ARHGEF11: variants seen among roughly 807,000 people sequenced by gnomAD.
The protein encoded by ARHGEF11 is Rho guanine exchange factor (GEF) 11.
In ARHGEF11, 55 loss-of-function variants were observed where a neutral mutation model predicts 193.7. The ratio of observed to expected loss-of-function variants is 0.28; its 90% confidence interval spans 0.23 to 0.36. The LOEUF (loss-of-function observed/expected upper bound fraction) is 0.36, where lower values mean the gene tolerates loss of function less well. ARHGEF11 is among the 10% of genes least tolerant of loss of function. The probability of loss-of-function intolerance (pLI) is 1.00; values close to 1 mark genes in which losing one functional copy is unlikely to be tolerated. For synonymous variants in ARHGEF11, 693 were observed against 768.0 expected, an observed-to-expected ratio of 0.90 and a Z score of 1.62; for missense variants, 1,723 against 2,005.6, an observed-to-expected ratio of 0.86 and a Z score of 2.69.
At chr1:157,009,574 G>A (rs1180810681) in intron 1 of ARHGEF11, among the ~76,000 whole-genome samples, 2 of 152,142 alleles carry the variant, frequency 1.3e-5, no homozygotes, top group Non-Finnish European at 2.9e-5. Flanking sequence ...TAAGGTTGGT[G>A]GTACTGAGCT....
At chr1:157,042,052 A>G (rs1672815816) in intron 1 of ARHGEF11, among the ~76,000 whole-genome samples, 1 of 152,186 alleles carries the variant, frequency 6.6e-6, no homozygotes, top group African/African-American at 2.4e-5. Context: ...TGTTGCCCAA[A>G]GTTACAATTG....
At chr1:156,989,913 T>A (rs1406483415) in intron 1 of ARHGEF11, among the ~76,000 whole-genome samples, 1 of 152,216 alleles carries the variant, frequency 6.6e-6, no homozygotes, top group East Asian at 1.9e-4. Context: ...TCATGACACT[T>A]TACCCCTATT....
In ARHGEF11 at chr1:156,984,423, A is replaced by T; in HGVS notation, c.139T>A (p.Cys47Ser). The T allele has an allele frequency of 6.3e-7, 1 of 1,592,670 alleles. No homozygotes were observed. Among genetic ancestry groups the T allele is most frequent in the Non-Finnish European group, 8.6e-7 (1 of 1,168,972 alleles). Residue 47 changes from cysteine to serine, a missense_variant, in exon 3 of 41, where the codon TGT (cysteine) becomes AGT (serine). Transcript: ENST00000368194. Reference sequence around the variant, plus strand: ...TGCTGGTCCTTTTGGATAATGACACAGCGTTGAACGAGACCTGGAAGGCGG... The same window carrying T: ...TGCTGGTCCTTTTGGATAATGACACTGCGTTGAACGAGACCTGGAAGGCGG... ...ASETTGLVQR[C>S]VIIQKDQHGF...
intron 11 of ARHGEF11, chr1:156,963,863 TC>T: frequency 1.0e-6 from 1 of 977,148 alleles, no homozygotes; most frequent in Non-Finnish European, 1.3e-6. Context: ...GAAAATGCTC[TC>T]TTCCTGTTTG....
chr1:156,944,282 C>A, intron 31 of ARHGEF11, 76 bp downstream of exon 31: 8 of 1,517,192 alleles, frequency 5.3e-6, no homozygotes, highest in Non-Finnish European at 7.3e-6. Flanking sequence ...TGTTTCCATG[C>A]TTGGGAAAGA....
intron 1 of ARHGEF11, among the ~76,000 whole-genome samples, chr1:157,015,969 T>C (rs1041614719): frequency 3.3e-5 from 5 of 152,180 alleles, no homozygotes; most frequent in African/African-American, 1.2e-4. Flanking sequence ...GGAAGAGTGA[T>C]GTGATGACTA....
intron 19 of ARHGEF11, among the ~76,000 whole-genome samples, chr1:156,956,112 G>A (rs1361675384): frequency 6.6e-6 from 1 of 152,090 alleles, no homozygotes; most frequent in African/African-American, 2.4e-5. Context: ...GGACAGCTCT[G>A]TTACCTTCTT....
At chr1:156,978,931 G>T (rs1482645411) in intron 5 of ARHGEF11, among the ~76,000 whole-genome samples, 1 of 152,230 alleles carries the variant, frequency 6.6e-6, no homozygotes, top group Admixed American at 6.5e-5. Context: ...GGAATTGAAA[G>T]GTATTTGAGG....
intron 11 of ARHGEF11, among the ~76,000 whole-genome samples, chr1:156,966,670 T>C (rs1312453547): frequency 1.3e-5 from 2 of 152,240 alleles, no homozygotes; most frequent in African/African-American, 2.4e-5. Flanking sequence ...CTGGCTCATA[T>C]TGTAAGAAAG....
At chr1:157,020,844 C>G (rs530340709) in intron 1 of ARHGEF11, among the ~76,000 whole-genome samples, 1 of 152,212 alleles carries the variant, frequency 6.6e-6, no homozygotes, top group African/African-American at 2.4e-5. Flanking sequence ...ATGCTGATAT[C>G]GATAAAGCAA....
At chr1:157,029,592 A>T (rs1209485798) in intron 1 of ARHGEF11, among the ~76,000 whole-genome samples, 2 of 152,186 alleles carry the variant, frequency 1.3e-5, no homozygotes, top group African/African-American at 4.8e-5. Context: ...TTTGGAAGGC[A>T]GTTTGGCAGT....
intron 22 of ARHGEF11, 68 bp downstream of exon 22, chr1:156,951,505 C>T: frequency 6.3e-7 from 1 of 1,589,726 alleles, no homozygotes; most frequent in Non-Finnish European, 8.6e-7. Context: ...TGGAATTAAA[C>T]CCTAGCATCA....
intron 1 of ARHGEF11, among the ~76,000 whole-genome samples, chr1:157,010,554 T>C (rs1392308115): frequency 6.6e-6 from 1 of 150,936 alleles, no homozygotes; most frequent in Non-Finnish European, 1.5e-5. Flanking sequence ...CCCAAGTAGA[T>C]AATTAGCCTG....
At chr1:156,967,302 G>A (rs571279320) in intron 11 of ARHGEF11, among the ~76,000 whole-genome samples, 3 of 152,254 alleles carry the variant, frequency 2.0e-5, no homozygotes, top group East Asian at 1.9e-4. Flanking sequence ...GTCTAACAAC[G>A]TCTGAACGTT....
At chr1:156,960,487 G>A in intron 14 of ARHGEF11, 27 bp from the exon 15 acceptor site, 2 of 1,613,370 alleles carry the variant, frequency 1.2e-6, no homozygotes, top group South Asian at 1.1e-5. Flanking sequence ...TGGAGCAGAA[G>A]CAGTCAGGTC....
At chr1:157,022,098 A>C (rs1365768563) in intron 1 of ARHGEF11, among the ~76,000 whole-genome samples, 1 of 152,216 alleles carries the variant, frequency 6.6e-6, no homozygotes, top group African/African-American at 2.4e-5. Context: ...ATGGTGAAAA[A>C]CTGAATGCTT....
chr1:156,961,803 C>T, intron 13 of ARHGEF11, 28 bp from the exon 14 acceptor site: 1 of 1,599,922 alleles, frequency 6.3e-7, no homozygotes, highest in Admixed American at 1.7e-5. Flanking sequence ...TGGGTTAGAG[C>T]AGTGGTTCTC....
At chr1:157,033,424 T>C (rs552846768) in intron 1 of ARHGEF11, among the ~76,000 whole-genome samples, 43 of 152,166 alleles carry the variant, frequency 2.8e-4, no homozygotes, top group African/African-American at 1.0e-3. Context: ...GAGACCACAT[T>C]CATCTCTTGT....
intron 2 of ARHGEF11, chr1:156,985,858 C>G (rs554457167): frequency 4.7e-5 from 21 of 449,382 alleles, no homozygotes; most frequent in African/African-American, 4.0e-4. Flanking sequence ...CCATTTCTGA[C>G]CTGGGTCAGT....
Sources: allele counts gnomAD v4.1 joint callset (sites outside exome capture counted in the v4.1 genomes callset), GRCh38; gene constraint gnomAD v4.1.1; transcripts MANE v1.5; gene names NCBI Gene and HGNC (gene_info 2026-07-23, HGNC 2026-07-21).